The following PIM1 variants were observed in gnomAD, a reference collection of about 807,000 sequenced individuals.
The protein encoded by PIM1 is serine/threonine-protein kinase pim-1.
A neutral mutation model predicts 34.5 loss-of-function variants in PIM1; 9 were observed. That is an observed-to-expected ratio of 0.26 (90% CI 0.16 to 0.46). PIM1 has a LOEUF of 0.46. Among genes scored for constraint, PIM1 ranks in the 20% least tolerant of loss-of-function variants. PIM1 has a pLI of 1.00. For missense variants in PIM1, 274 were observed against 410.9 expected (o/e 0.67, Z 2.88); for synonymous variants, 199 against 175.2 (o/e 1.14, Z -1.07).
Position 37,174,333 on chromosome 6 carries a change from A to T in PIM1, c.*242A>T. The T allele has an allele frequency of 1.2e-5, 2 of 169,152 alleles. No homozygotes were observed. Among genetic ancestry groups the T allele is most frequent in the Non-Finnish European group, 2.2e-5 (2 of 90,640 alleles). The allele number at this position is 169,152 out of a possible 1,614,324, so 10.5% of individuals were successfully genotyped here. A position where few individuals can be genotyped will look rare whatever the true frequency, so the allele number is the denominator to read the frequency against. ...CTCCCATAGATACTCTCTTCTTCTCATAGGTGTCCAGCATTGCTGGACTCT... is the reference window on the plus strand; with the variant it reads ...CTCCCATAGATACTCTCTTCTTCTCTTAGGTGTCCAGCATTGCTGGACTCT... On this transcript the variant is annotated 3_prime_UTR_variant, in exon 6 of 6. Transcript: ENST00000373509.
intron 5 of PIM1, 74 bp from the exon 6 acceptor site, chr6:37,173,860 G>C: frequency 7.0e-7 from 1 of 1,431,284 alleles, no homozygotes; most frequent in Non-Finnish European, 9.5e-7. Context: ...CCTCTGAGAA[G>C]CAAATGGGGA....
intron 5 of PIM1, 146 bp downstream of exon 5, chr6:37,173,318 A>G: frequency 1.4e-6 from 1 of 716,604 alleles, no homozygotes; most frequent in South Asian, 2.0e-5. Flanking sequence ...AGTGATTTAC[A>G]CTTGAGCTGG....
Position 37,175,093 on chromosome 6 carries a change from T to C in PIM1, c.*1002T>C. On this transcript the variant is annotated 3_prime_UTR_variant, in exon 6 of 6. Coordinates refer to ENST00000373509, the MANE Select transcript of PIM1 (RefSeq NM_002648.4). ...TTCCTCCTCTGACTTGGGGACCTTT[T>C]GGGGGAGGGCTGCGACGCTTGCTCT... 1 of 233,542 alleles carries C rather than the reference T, an allele frequency of 4.3e-6. No homozygotes were observed. 14.5% of individuals were successfully genotyped at this position (233,542 alleles called of 1,614,324 possible). A position where few individuals can be genotyped will look rare whatever the true frequency, so the allele number is the denominator to read the frequency against.
In PIM1 at chr6:37,174,283, C is replaced by G. The variant is rs1021811722; in HGVS notation, c.*192C>G. 2.8e-5 allele frequency: 15 copies of G among 530,998 alleles called. No homozygotes were observed. The highest frequency in any genetic ancestry group is 2.7e-4 in the African/African-American group (14 of 51,654). The allele number at this position is 530,998 out of a possible 1,614,324, so 32.9% of individuals were successfully genotyped here. A position where few individuals can be genotyped will look rare whatever the true frequency, so the allele number is the denominator to read the frequency against. On this transcript the variant is annotated 3_prime_UTR_variant, in exon 6 of 6. Transcript: ENST00000373509. ...CTCCCAACAGTGGGGAAGAGTGACT[C>G]TCCAGGGGTCCTAGGCCTCAACTCC...
At chr6:37,173,877 T>G (rs944037978) in intron 5 of PIM1, 57 bp from the exon 6 acceptor site, 40 of 1,528,120 alleles carry the variant, frequency 2.6e-5, no homozygotes, top group Non-Finnish European at 3.5e-5. Context: ...GGGAAGACCT[T>G]TGCAGTGTAA....
chr6:37,170,474 C>T lies in PIM1; in HGVS notation c.-102C>T, dbSNP rs997520270. 8.9e-6 allele frequency: 14 copies of T among 1,570,664 alleles called. No homozygotes were observed. The African/African-American group carries it at 1.2e-4, about 14-fold the overall frequency. ...CCGCAACGCCACCCGCAGCCACAGC[C>T]ACAGCCACAGCCCCAGGCATAGCCT... is the stretch of plus-strand genomic sequence containing the variant. On this transcript the variant is annotated 5_prime_UTR_variant, in exon 1 of 6. Transcript: ENST00000373509.
Position 37,174,067 on chromosome 6 carries a change from C to T in PIM1, c.918C>T (p.Ser306=). ...PQETAEIHLH[S]LSPGPSK ...AAACTGCTGAGATCCACCTCCACAG[C>T]CTGTCGCCGGGGCCCAGCAAATAGC... The change falls in exon 6 of 6, where the codon AGC becomes AGT. Residue 306 remains serine, a synonymous_variant. Transcript: ENST00000373509. 6.2e-7 allele frequency: 1 copy of T among 1,613,760 alleles called. No individual in the cohort carries two copies. The highest frequency in any genetic ancestry group is 8.5e-7 in the Non-Finnish European group (1 of 1,179,842).
At chr6:37,173,634 ATC>A (rs1762347399) in intron 5 of PIM1, among the ~76,000 whole-genome samples, 1 of 152,160 alleles carries the variant, frequency 6.6e-6, no homozygotes, top group Admixed American at 6.5e-5. Flanking sequence ...TCTCATCAAA[ATC>A]TCTTGTCATC....
At chr6:37,173,895 T>G in intron 5 of PIM1, 39 bp from the exon 6 acceptor site, 1 of 1,578,306 alleles carries the variant, frequency 6.3e-7, no homozygotes, top group Non-Finnish European at 8.6e-7. Context: ...TAAAAACAAG[T>G]TGAGTCATTC....
In PIM1 at chr6:37,170,595, A is replaced by T. The variant is rs1215548229; in HGVS notation, c.20A>T (p.Asn7Ile). Reference sequence around the variant, plus strand: ...GTTGGGATGCTCTTGTCCAAAATCAACTCGCTTGCCCACCTGCGCGCCGCG... The same window carrying T: ...GTTGGGATGCTCTTGTCCAAAATCATCTCGCTTGCCCACCTGCGCGCCGCG... MLLSKINSLAHLRAAPC... is the reference protein window; with the variant it reads MLLSKIISLAHLRAAPC... Residue 7 changes from asparagine to isoleucine, a missense_variant, in exon 1 of 6, where the codon AAC becomes ATC. Physicochemically the swap from Asn to Ile is moderately radical, Grantham distance 149 (BLOSUM62 -3). This residue lies in a region of PIM1 where 106 missense variants were observed against 111.5 expected (regional missense o/e 0.95). Transcript: ENST00000373509. 1 of 1,612,504 alleles carries T rather than the reference A, an allele frequency of 6.2e-7. No homozygotes were observed. Among genetic ancestry groups the T allele is most frequent in the Admixed American group, 1.7e-5 (1 of 59,936 alleles).
intron 1 of PIM1, 21 bp from the exon 2 acceptor site, chr6:37,170,752 C>T (rs1424353309): frequency 6.2e-7 from 1 of 1,610,710 alleles, no homozygotes; most frequent in Admixed American, 1.7e-5. Flanking sequence ...CACTGAGTCC[C>T]CGTGCTTCCC....
intron 1 of PIM1, 37 bp downstream of exon 1, chr6:37,170,694 G>A: frequency 6.2e-7 from 1 of 1,605,302 alleles, no homozygotes; most frequent in South Asian, 1.1e-5. Flanking sequence ...GGGGATGCGG[G>A]GCGGCGGCGG....
At chr6:37,171,591 C>A in intron 4 of PIM1, 100 bp downstream of exon 4, 1 of 1,411,294 alleles carries the variant, frequency 7.1e-7, no homozygotes, top group Non-Finnish European at 9.5e-7. Flanking sequence ...TTGTAAAGGT[C>A]ATTGGGCCGC....
Position 37,174,079 on chromosome 6 carries a change from G to C in PIM1, c.930G>C (p.Gly310=). The change falls in exon 6 of 6, where the codon GGG becomes GGC. Residue 310 remains glycine, a synonymous_variant. Transcript: ENST00000373509. The stretch of plus-strand genomic sequence containing the variant: ...TCCACCTCCACAGCCTGTCGCCGGG[G>C]CCCAGCAAATAGCAGCCTTTCTGGC... ...AEIHLHSLSP[G]PSK is the part of the protein sequence containing the mutation. 1.2e-6 allele frequency: 2 copies of C among 1,612,996 alleles called. No individual in the cohort carries two copies. Among genetic ancestry groups the C allele is most frequent in the Non-Finnish European group, 1.7e-6 (2 of 1,179,548 alleles).
In PIM1 at chr6:37,170,795, G is replaced by A. The variant is rs762539338; in HGVS notation, c.105G>A (p.Glu35=). ...LAPGKEKEPL[E]SQYQVGPLLG... ...TAGGCAAGGAGAAGGAGCCCCTGGA[G>A]TCGCAGTACCAGGTGGGCCCGCTAC... The change falls in exon 2 of 6, where the codon GAG becomes GAA. Residue 35 remains glutamate (E), a synonymous_variant. Transcript: ENST00000373509. 1 of 1,612,904 alleles carries A rather than the reference G, an allele frequency of 6.2e-7. No homozygotes were observed.
In PIM1 at chr6:37,170,307, C is replaced by T. The variant is rs1279319367; in HGVS notation, c.-269C>T. ...CTAGCCTCCTGCCCCGCGGCGCTGC[C>T]GCACGAGCCCCACGAGCCGCTCACC... On this transcript the variant is annotated 5_prime_UTR_variant, in exon 1 of 6. Transcript: ENST00000373509. 2.1e-6 allele frequency: 3 copies of T among 1,437,654 alleles called. No individual in the cohort carries two copies. Among genetic ancestry groups the T allele is most frequent in the Non-Finnish European group, 2.7e-6 (3 of 1,099,552 alleles). 89.1% of individuals were successfully genotyped at this position (1,437,654 alleles called of 1,614,324 possible). A position where few individuals can be genotyped will look rare whatever the true frequency, so the allele number is the denominator to read the frequency against.
rs773910971 is a variant in PIM1, at chr6:37,173,124, G to A, written c.736G>A (p.Glu246Lys). The A allele has an allele frequency of 3.7e-6, 6 of 1,614,134 alleles. No individual in the cohort carries two copies. The highest frequency in any genetic ancestry group is 2.2e-5 in the East Asian group (1 of 44,886). ...TGGAGATATTCCTTTCGAGCATGAC[G>A]AAGAGATCATCAGGGGCCAGGTTTT... ...VCGDIPFEHD[E>K]EIIRGQVFFR... is the part of the protein sequence containing the mutation. Residue 246 changes from glutamate to lysine, a missense_variant, in exon 5 of 6, where the codon GAA (glutamate) becomes AAA (lysine). Glu to Lys is a moderately conservative substitution (Grantham distance 56, BLOSUM62 1). Around this residue, in one of 2 missense-constraint regions of PIM1, gnomAD observed 168 missense variants for 299.4 expected, o/e 0.56. Coordinates refer to ENST00000373509, the MANE Select transcript of PIM1 (RefSeq NM_002648.4).
chr6:37,173,673 G>A (rs752885116), intron 5 of PIM1, among the ~76,000 whole-genome samples: 1 of 152,196 alleles, frequency 6.6e-6, no homozygotes, highest in Non-Finnish European at 1.5e-5. Flanking sequence ...GTGAGTGGGT[G>A]TTGTGGGAAA....
Position 37,173,830 on chromosome 6 carries a change from TG to T in PIM1, c.785-101del. The T allele has an allele frequency of 6.5e-6, 7 of 1,070,572 alleles. No homozygotes were observed. In the South Asian group the frequency reaches 1.1e-4, roughly 17 times the overall value. 66.3% of individuals were successfully genotyped at this position (1,070,572 alleles called of 1,614,324 possible). ...TGTTCTAGAAAATGCTTGGCCTCCCTGGGACCCCAGACTTGTGGGCCTCTGA... is the reference window on the plus strand; with the variant it reads ...TGTTCTAGAAAATGCTTGGCCTCCCTGGACCCCAGACTTGTGGGCCTCTGA... On this transcript the variant is annotated intron_variant, in intron 5 of 5. Coordinates refer to ENST00000373509, the MANE Select transcript of PIM1 (RefSeq NM_002648.4).
Sources: gnomAD v4.1 joint callset for allele counts (sites outside exome capture counted in the v4.1 genomes callset) on GRCh38, gnomAD v4.1.1 for gene constraint, gnomAD v4.1.1 regional missense constraint, MANE v1.5 for transcripts, NCBI Gene and HGNC (gene_info 2026-07-23, HGNC 2026-07-21) for gene names.